Variants in MICU1 observed in about 807,000 individuals in gnomAD.
The protein encoded by MICU1 is calcium uptake protein 1, mitochondrial.
In MICU1, 45 loss-of-function variants were observed where a neutral mutation model predicts 56.8. The observed-to-expected ratio is 0.79, with a 90% confidence interval of 0.62 to 1.02. The LOEUF (loss-of-function observed/expected upper bound fraction) is 1.02, where lower values mean the gene tolerates loss of function less well. MICU1 is among the 50% of genes least tolerant of loss of function. MICU1 has a pLI of 0.00. For synonymous variants in MICU1, 186 were observed against 195.1 expected (o/e 0.95, Z 0.39); for missense variants, 504 against 587.1 (o/e 0.86, Z 1.46).
chr10:72,427,031 A>G (rs943060820), intron 8 of MICU1, among the ~76,000 whole-genome samples: 7 of 152,236 alleles, frequency 4.6e-5, no homozygotes, highest in African/African-American at 1.4e-4. Flanking sequence ...TTCTACTTCA[A>G]TGAAAATTAA....
chr10:72,453,138 C>G (rs1021375919), intron 8 of MICU1, among the ~76,000 whole-genome samples: 1 of 152,164 alleles, frequency 6.6e-6, no homozygotes, highest in Non-Finnish European at 1.5e-5. Context: ...CCAGATCAAG[C>G]AACTCCACAA....
intron 1 of MICU1, among the ~76,000 whole-genome samples, chr10:72,595,439 C>A: frequency 1.6e-5 from 2 of 122,548 alleles, no homozygotes. Context: ...GTGACAGAGA[C>A]TCTGTCTCAA....
intron 5 of MICU1, chr10:72,524,655 C>T (rs977873658): frequency 3.1e-5 from 32 of 1,017,074 alleles, no homozygotes; most frequent in Admixed American, 1.3e-4. Flanking sequence ...ATGCATCATG[C>T]GCTGAACCTT....
chr10:72,457,214 ACT>A (rs1491502246), intron 8 of MICU1, among the ~76,000 whole-genome samples: 7 of 143,746 alleles, frequency 4.9e-5, no homozygotes, highest in South Asian at 2.2e-4. Flanking sequence ...CTTACTTCCT[ACT>A]TTTTTTTTTT....
intron 5 of MICU1, among the ~76,000 whole-genome samples, chr10:72,512,042 A>G (rs898912527): frequency 6.6e-6 from 1 of 150,582 alleles, no homozygotes; most frequent in African/African-American, 2.5e-5. Context: ...AAAATTACTG[A>G]TACCTAAAAT....
At chr10:72,452,428 T>C (rs560142297) in intron 8 of MICU1, among the ~76,000 whole-genome samples, 10 of 152,314 alleles carry the variant, frequency 6.6e-5, no homozygotes, top group Admixed American at 5.2e-4. Context: ...CTAAAAATGA[T>C]GCCACCATGG....
intron 8 of MICU1, among the ~76,000 whole-genome samples, chr10:72,427,202 T>C (rs1003567336): frequency 1.3e-5 from 2 of 152,224 alleles, no homozygotes; most frequent in African/African-American, 4.8e-5. Flanking sequence ...AAGCTGTTGT[T>C]TCCCTGTTGT....
chr10:72,556,997 C>T (rs543120812), intron 3 of MICU1, among the ~76,000 whole-genome samples: 4 of 151,660 alleles, frequency 2.6e-5, no homozygotes, highest in South Asian at 2.1e-4. Context: ...ACCCAGGAGG[C>T]GGAGGATGCA....
At chr10:72,500,113 T>G (rs1015107201) in intron 6 of MICU1, among the ~76,000 whole-genome samples, 15 of 151,704 alleles carry the variant, frequency 9.9e-5, no homozygotes, top group African/African-American at 3.4e-4. Context: ...TAATGAATTA[T>G]GCCAGATTTT....
chr10:72,414,329 A>G (rs1424193549), intron 9 of MICU1, among the ~76,000 whole-genome samples: 1 of 152,198 alleles, frequency 6.6e-6, no homozygotes, highest in Non-Finnish European at 1.5e-5. Context: ...ATAAAAATGT[A>G]ATGTAGTAAA....
intron 6 of MICU1, among the ~76,000 whole-genome samples, chr10:72,500,624 A>G (rs928676768): frequency 6.6e-6 from 1 of 151,948 alleles, no homozygotes; most frequent in African/African-American, 2.4e-5. Flanking sequence ...GCCCAATTAT[A>G]AATGTTTTAT....
At chr10:72,579,624 T>C (rs1008840099) in intron 1 of MICU1, among the ~76,000 whole-genome samples, 31 of 151,146 alleles carry the variant, frequency 2.1e-4, no homozygotes, top group Admixed American at 1.8e-3. Flanking sequence ...ATTAAGTACA[T>C]ATGTGTGAAT....
intron 3 of MICU1, among the ~76,000 whole-genome samples, chr10:72,551,865 G>A (rs1840043630): frequency 6.6e-6 from 1 of 151,946 alleles, no homozygotes; most frequent in Non-Finnish European, 1.5e-5. Flanking sequence ...CAAACTCCTG[G>A]GCTCAAATGA....
intron 6 of MICU1, among the ~76,000 whole-genome samples, chr10:72,494,374 C>A (rs989352808): frequency 3.9e-5 from 6 of 152,078 alleles, no homozygotes; most frequent in Non-Finnish European, 8.8e-5. Flanking sequence ...AGTCAGGCGA[C>A]CCATGTTTCT....
intron 11 of MICU1, among the ~76,000 whole-genome samples, chr10:72,374,807 T>G (rs1862461141): frequency 7.6e-6 from 1 of 132,060 alleles, no homozygotes; most frequent in South Asian, 2.4e-4. Context: ...TCTACTATTA[T>G]CTTTTTTTTT....
chr10:72,456,453 C>T (rs946481566), intron 8 of MICU1, among the ~76,000 whole-genome samples: 1 of 152,076 alleles, frequency 6.6e-6, no homozygotes. Context: ...CTGTGGGAAG[C>T]CAGCTGCCAG....
At chr10:72,468,786 T>C (rs1288103860) in intron 8 of MICU1, among the ~76,000 whole-genome samples, 1 of 152,180 alleles carries the variant, frequency 6.6e-6, no homozygotes, top group Non-Finnish European at 1.5e-5. Flanking sequence ...GGCAAAGAAA[T>C]TGGTAAAAGA....
chr10:72,375,938 G>T lies in MICU1; in HGVS notation c.1181-66C>A, dbSNP rs12098281. ...TTCATTTTGCTTTCTCTGATTCAGG[G>T]GATAAAACGACTCAGTCATAATACA... On this transcript the variant is annotated intron_variant, in intron 10 of 11. Coordinates refer to ENST00000361114, the MANE Select transcript of MICU1 (RefSeq NM_001195518.2). 8,000 of 1,392,768 alleles carry T rather than the reference G, an allele frequency of 5.7e-3. 354 individuals carry two copies. The African/African-American group carries it at 0.1, about 18-fold the overall frequency. 86.3% of individuals were successfully genotyped at this position (1,392,768 alleles called of 1,614,324 possible). A position where few individuals can be genotyped will look rare whatever the true frequency, so the allele number is the denominator to read the frequency against.
At chr10:72,491,499 A>G (rs1866653981) in intron 6 of MICU1, among the ~76,000 whole-genome samples, 1 of 152,212 alleles carries the variant, frequency 6.6e-6, no homozygotes, top group Non-Finnish European at 1.5e-5. Context: ...GTGACAGACA[A>G]GTGAGCACAG....
Sources: allele counts gnomAD v4.1 joint callset (sites outside exome capture counted in the v4.1 genomes callset), GRCh38; gene constraint gnomAD v4.1.1; transcripts MANE v1.5; gene names NCBI Gene and HGNC (gene_info 2026-07-23, HGNC 2026-07-21).